The following TPM3 variants were observed in gnomAD, a reference collection of about 807,000 sequenced individuals.
The protein encoded by TPM3 is tropomyosin alpha-3 chain.
Under a neutral mutation model 43.1 loss-of-function variants are expected in TPM3, and 16 were observed. The observed-to-expected ratio is 0.37, with a 90% confidence interval of 0.25 to 0.56. TPM3 has a LOEUF of 0.56. Among genes scored for constraint, TPM3 ranks in the 20% least tolerant of loss-of-function variants. The pLI is 0.77. For synonymous variants in TPM3, 101 were observed against 116.9 expected (o/e 0.86, Z 0.88); for missense variants, 176 against 337.2 (o/e 0.52, Z 3.74).
chr1:154,168,718 G>A (rs900627249), intron 9 of TPM3, among the ~76,000 whole-genome samples: 6 of 152,096 alleles, frequency 3.9e-5, no homozygotes, highest in Non-Finnish European at 7.3e-5. Flanking sequence ...TAGAGACAGG[G>A]TTTTGCCATG....
chr1:154,159,855 A>G (rs1413492698), downstream of TPM3, among the ~76,000 whole-genome samples: 1 of 152,166 alleles, frequency 6.6e-6, no homozygotes, highest in African/African-American at 2.4e-5. Context: ...CCAGAGTTGC[A>G]TATTTCAATC....
chr1:154,173,954 TG>T, intron 3 of TPM3, among the ~76,000 whole-genome samples: 1 of 152,184 alleles, frequency 6.6e-6, no homozygotes, highest in Non-Finnish European at 1.5e-5. Context: ...CACTCCAGCC[TG>T]GGCGACAGAG....
At chr1:154,176,277 G>A in intron 2 of TPM3, 29 bp from the exon 3 acceptor site, 1 of 1,614,122 alleles carries the variant, frequency 6.2e-7, no homozygotes, top group Non-Finnish European at 8.5e-7. Flanking sequence ...ATGGACAAGG[G>A]AAGCAGAGGC....
chr1:154,169,242 A>G, intron 9 of TPM3, 63 bp downstream of exon 9: 1 of 1,495,326 alleles, frequency 6.7e-7, no homozygotes, highest in Non-Finnish European at 9.3e-7. Context: ...CACTATGCAT[A>G]GCTTGTACCC....
chr1:154,183,852 C>CCTTTTTTTTTTTTTTTTTTTTTTTTTT (rs1370162556), intron 2 of TPM3: 1 of 99,312 alleles, frequency 1.0e-5, no homozygotes, highest in Non-Finnish European at 1.9e-5. Context: ...GACTTTTCTC[C>CCTTTTTTTTTTTTTTTTTTTTTTTTTT]TTTTTTTTTT....
At chr1:154,172,217 A>G in intron 5 of TPM3, 1 of 1,039,148 alleles carries the variant, frequency 9.6e-7, no homozygotes, top group Non-Finnish European at 1.5e-6. Context: ...AATTCAAAAA[A>G]TGGGAAGAGA....
At chr1:154,191,436 C>G in intron 1 of TPM3, 125 bp from the exon 2 acceptor site, 1 of 1,518,976 alleles carries the variant, frequency 6.6e-7, no homozygotes, top group Non-Finnish European at 8.9e-7. Context: ...ACACTTTCTC[C>G]CCAGCCACTT....
At position 154,169,389 on chromosome 1, in the gene TPM3, C is replaced by T. The variant is rs558574364; in HGVS notation, c.776-6G>A. The T allele has an allele frequency of 8.7e-6, 14 of 1,614,176 alleles. No individual in the cohort carries two copies. The East Asian group carries it at 2.9e-4, about 33-fold the overall frequency. The stretch of plus-strand genomic sequence containing the variant: ...TTTCTGGGCATAGAGCTCATCTGGA[C>T]AGGCACAGGAACCACAGGGAGGAAT... On this transcript the variant is annotated splice_polypyrimidine_tract_variant and splice_region_variant and intron_variant, in intron 8 of 9. Coordinates refer to ENST00000651641, the MANE Select transcript of TPM3 (RefSeq NM_152263.4).
chr1:154,156,397 C>G (rs1178758979), downstream of TPM3: 1 of 187,782 alleles, frequency 5.3e-6, no homozygotes, highest in Admixed American at 6.2e-5. Context: ...CAAAAAGACA[C>G]TTGTCAATAT....
chr1:154,167,928 C>CG lies in TPM3; in HGVS notation c.*8dup, dbSNP rs1318101169. 1 of 1,613,582 alleles carries CG rather than the reference C, an allele frequency of 6.2e-7. No homozygotes were observed. The highest frequency in any genetic ancestry group is 8.5e-7 in the Non-Finnish European group (1 of 1,179,950). On this transcript the variant is annotated 3_prime_UTR_variant, in exon 10 of 10. Transcript: ENST00000651641. The stretch of plus-strand genomic sequence containing the variant: ...GGGCAGATCCAGAACAGAGCAGAAA[C>CG]GGTGATAATTATCTGTATGAAAAAG...
chr1:154,162,633 G>A lies in TPM3; in HGVS notation c.*5304C>T, dbSNP rs1558030280. The stretch of plus-strand genomic sequence containing the variant: ...GAAATTAAGAGGGGGTAACATTAAG[G>A]GGACAAATGTTTTACTCTGATGCTT... On this transcript the variant is annotated 3_prime_UTR_variant, in exon 10 of 10. Coordinates refer to ENST00000651641, the MANE Select transcript of TPM3 (RefSeq NM_152263.4). 6.6e-6 allele frequency among the ~76,000 whole-genome samples: 1 copy of A among 152,088 alleles called. No individual in the cohort carries two copies. Among genetic ancestry groups the A allele is most frequent in the Non-Finnish European group, 1.5e-5 (1 of 68,018 alleles).
intron 3 of TPM3, among the ~76,000 whole-genome samples, chr1:154,174,580 C>A (rs186171416): frequency 6.7e-6 from 1 of 148,980 alleles, no homozygotes; most frequent in Admixed American, 6.7e-5. Flanking sequence ...CTGCAACCTC[C>A]GCCTCTTGGG....
rs1660906046 is a variant in TPM3, at chr1:154,165,912, CT to C, written c.*2024del. On this transcript the variant is annotated 3_prime_UTR_variant, in exon 10 of 10. Coordinates refer to ENST00000651641, the MANE Select transcript of TPM3 (RefSeq NM_152263.4). ...ACTAGGATCAATCTCGTCCCCTCTA[CT>C]CAATTCCCATAACACTATTATTTGT... Among the ~76,000 whole-genome samples, 1 of 152,132 alleles carries C rather than the reference CT, an allele frequency of 6.6e-6. No homozygotes were observed. Among genetic ancestry groups the C allele is most frequent in the Non-Finnish European group, 1.5e-5 (1 of 68,028 alleles).
At chr1:154,170,492 C>G (rs1462672720) in intron 7 of TPM3, 23 bp from the exon 8 acceptor site, 1 of 1,613,840 alleles carries the variant, frequency 6.2e-7, no homozygotes, top group South Asian at 1.1e-5. Flanking sequence ...TGAAATTAGT[C>G]AGAACCAGAG....
At chr1:154,189,471 G>C (rs952669969) in intron 2 of TPM3, among the ~76,000 whole-genome samples, 5 of 150,312 alleles carry the variant, frequency 3.3e-5, no homozygotes, top group African/African-American at 1.2e-4. Flanking sequence ...CTGGGCAACA[G>C]AGCGAGACTC....
rs1167677890 is a variant in TPM3 at position 154,165,275 on chromosome 1, G to A, written c.*2662C>T. Among the ~76,000 whole-genome samples the A allele has an allele frequency of 2.0e-5, 3 of 151,986 alleles. No homozygotes were observed. The highest frequency in any genetic ancestry group is 6.6e-5 in the Admixed American group (1 of 15,246). ...TGGGTATCTGTAATCACAGCTCCTC[G>A]GGAAGCTGAGACAGGAGAATCGCTT... On this transcript the variant is annotated 3_prime_UTR_variant, in exon 10 of 10. Transcript: ENST00000651641.
At chr1:154,177,193 CTTT>C (rs1662435598) in intron 2 of TPM3, among the ~76,000 whole-genome samples, 1 of 152,078 alleles carries the variant, frequency 6.6e-6, no homozygotes, top group Non-Finnish European at 1.5e-5. Flanking sequence ...CCCCGTACTC[CTTT>C]TTTAAGTTGG....
chr1:154,187,251 G>T, intron 2 of TPM3: 1 of 910,488 alleles, frequency 1.1e-6, no homozygotes, highest in Non-Finnish European at 1.3e-6. Flanking sequence ...ACAAGAATGA[G>T]CATGACTGTG....
intron 3 of TPM3, among the ~76,000 whole-genome samples, chr1:154,175,501 G>A (rs930835159): frequency 9.9e-5 from 15 of 152,114 alleles, no homozygotes; most frequent in Non-Finnish European, 1.6e-4. Context: ...TGCAACCAGC[G>A]TTGAGAAGGC....
Sources: gnomAD v4.1 joint callset for allele counts (sites outside exome capture counted in the v4.1 genomes callset) on GRCh38, gnomAD v4.1.1 for gene constraint, MANE v1.5 for transcripts, NCBI Gene and HGNC (gene_info 2026-07-23, HGNC 2026-07-21) for gene names.